RGS21: variants seen among roughly 807,000 people sequenced by gnomAD.
RGS21 encodes regulator of G protein signaling 21.
RGS21 carries 19 observed loss-of-function variants against 18.7 expected under a neutral mutation model. The observed-to-expected ratio is 1.01, with a 90% CI of 0.71 to 1.49. The LOEUF is 1.49. Among genes scored for constraint, RGS21 ranks in the 40% most tolerant of loss-of-function variants. RGS21 has a pLI of 0.00. For missense variants in RGS21, 194 were observed against 176.8 expected (o/e 1.10, Z -0.55); for synonymous variants, 56 against 57.8 (o/e 0.97, Z 0.14).
In RGS21 at chr1:192,343,044, T is replaced by C; in HGVS notation, c.8T>C (p.Val3Ala). The change falls in exon 2 of 5, where the codon GTG becomes GCG. Residue 3 changes from valine (V) to alanine (A), a missense_variant. Coordinates refer to ENST00000417209, the MANE Select transcript of RGS21 (RefSeq NM_001039152.3). Reference protein sequence around the residue: MPVKCCFYRSPTA... With the variant: MPAKCCFYRSPTA... Reference sequence around the variant, plus strand: ...CAGACAGTGGAACGAAAAATGCCAGTGAAGTGAGTTGCCGTTTCCAGCTAT... The same window carrying C: ...CAGACAGTGGAACGAAAAATGCCAGCGAAGTGAGTTGCCGTTTCCAGCTAT... 1.2e-6 allele frequency: 2 copies of C among 1,612,702 alleles called. No individual in the cohort carries two copies. The highest frequency in any genetic ancestry group is 1.7e-5 in the Admixed American group (1 of 59,956).
At chr1:192,348,537 GTA>G (rs1212768078) in intron 3 of RGS21, among the ~76,000 whole-genome samples, 6 of 152,126 alleles carry the variant, frequency 3.9e-5, no homozygotes, top group Non-Finnish European at 8.8e-5. Flanking sequence ...GTATTAATAT[GTA>G]TATGTGTGAA....
intron 1 of RGS21, among the ~76,000 whole-genome samples, chr1:192,342,496 A>G (rs1036263734): frequency 2.6e-5 from 4 of 152,004 alleles, no homozygotes; most frequent in African/African-American, 9.7e-5. Flanking sequence ...ATTTTAGTTC[A>G]TGAATAAAAT....
chr1:192,342,951 T>C (rs1557978011), intron 1 of RGS21, 26 bp from the exon 2 acceptor site: 6 of 1,344,598 alleles, frequency 4.5e-6, no homozygotes, highest in Non-Finnish European at 6.4e-6. Context: ...CTAATTGTAA[T>C]GTTCCTGCTG....
At chr1:192,361,333 T>C (rs1659184975) in intron 4 of RGS21, among the ~76,000 whole-genome samples, 1 of 152,096 alleles carries the variant, frequency 6.6e-6, no homozygotes, top group Non-Finnish European at 1.5e-5. Flanking sequence ...GGAGAATATA[T>C]ATATGCTCTG....
intron 1 of RGS21, among the ~76,000 whole-genome samples, chr1:192,331,504 G>A (rs1232753342): frequency 2.0e-5 from 3 of 151,736 alleles, no homozygotes; most frequent in Non-Finnish European, 4.4e-5. Context: ...CCCAGATCGT[G>A]CCACTGCACT....
Position 192,343,013 on chromosome 1 carries a change from C to A in RGS21, c.-24C>A. On this transcript the variant is annotated 5_prime_UTR_variant, in exon 2 of 5. The change creates a new upstream start codon in the 5' untranslated region. Transcript: ENST00000417209. Reference sequence around the variant, plus strand: ...GTCAGAAAGAGAAACTCGGCATCATCTGTGACAGACAGTGGAACGAAAAAT... The same window carrying A: ...GTCAGAAAGAGAAACTCGGCATCATATGTGACAGACAGTGGAACGAAAAAT... 1 of 1,612,042 alleles carries A rather than the reference C, an allele frequency of 6.2e-7. No individual in the cohort carries two copies. The highest frequency in any genetic ancestry group is 8.5e-7 in the Non-Finnish European group (1 of 1,178,350).
rs530920189 is a variant in RGS21 at position 192,325,879 on chromosome 1, G to C, written c.-61+8774G>C. On this transcript the variant is annotated intron_variant, in intron 1 of 4. Coordinates refer to ENST00000417209, the MANE Select transcript of RGS21 (RefSeq NM_001039152.3). ...CAGATGCAGTTTGTGAGTTTTTCTAGTTTTAAATCATCTTGTGATACTAAT... is the reference window on the plus strand; with the variant it reads ...CAGATGCAGTTTGTGAGTTTTTCTACTTTTAAATCATCTTGTGATACTAAT... Among the ~76,000 whole-genome samples the C allele has an allele frequency of 2.6e-5, 4 of 152,028 alleles. No individual in the cohort carries two copies. In the South Asian group the frequency reaches 8.3e-4, roughly 32 times the overall value.
chr1:192,336,190 C>T lies in RGS21; in HGVS notation c.-60-6787C>T, dbSNP rs181514613. On this transcript the variant is annotated intron_variant, in intron 1 of 4. Transcript: ENST00000417209. ...AAGGCTCAGGCCGGGCACAGTGGCT[C>T]ACGCCTGCAATCCCAGCTCTTTGAG... Among the ~76,000 whole-genome samples the T allele has an allele frequency of 6.5e-3, 996 of 152,308 alleles. 5 individuals carry two copies. The highest frequency in any genetic ancestry group is 0.011 in the Non-Finnish European group (743 of 68,018).
chr1:192,331,591 T>C (rs1658652158), intron 1 of RGS21, among the ~76,000 whole-genome samples: 1 of 143,428 alleles, frequency 7.0e-6, no homozygotes, highest in African/African-American at 2.6e-5. Context: ...ATAAAGACTG[T>C]GTATAATTTA....
At chr1:192,340,127 G>T (rs1658836853) in intron 1 of RGS21, among the ~76,000 whole-genome samples, 1 of 151,844 alleles carries the variant, frequency 6.6e-6, no homozygotes, top group Admixed American at 6.6e-5. Flanking sequence ...CAGCACCTAT[G>T]ATTTCTTGTA....
intron 4 of RGS21, among the ~76,000 whole-genome samples, chr1:192,354,472 T>C (rs1171393877): frequency 2.0e-5 from 3 of 151,726 alleles, no homozygotes; most frequent in African/African-American, 7.2e-5. Context: ...ATATTGCTAA[T>C]GTGAGTAGAG....
intron 1 of RGS21, among the ~76,000 whole-genome samples, chr1:192,340,944 C>A (rs1658850305): frequency 6.6e-6 from 1 of 152,110 alleles, no homozygotes; most frequent in Admixed American, 6.6e-5. Context: ...ATGGGAGCTA[C>A]AATTCAAGAT....
At chr1:192,362,432 G>A (rs1936670) in intron 4 of RGS21, among the ~76,000 whole-genome samples, 3,313 of 152,240 alleles carry the variant, frequency 0.022, 71 homozygotes, top group South Asian at 0.056. Context: ...GAATTTACAC[G>A]CATATGTGCA....
intron 3 of RGS21, among the ~76,000 whole-genome samples, chr1:192,348,095 T>C (rs982312976): frequency 1.3e-5 from 2 of 150,390 alleles, no homozygotes; most frequent in Non-Finnish European, 3.0e-5. Flanking sequence ...GTGTGATCTC[T>C]GCTCACTGCA....
intron 1 of RGS21, among the ~76,000 whole-genome samples, chr1:192,320,451 A>G (rs192226522): frequency 1.0e-3 from 159 of 151,618 alleles, no homozygotes; most frequent in Non-Finnish European, 1.7e-3. Context: ...TACAGTAGAA[A>G]CTCAATAAAT....
chr1:192,342,542 T>G (rs1012291768), intron 1 of RGS21, among the ~76,000 whole-genome samples: 2 of 151,956 alleles, frequency 1.3e-5, no homozygotes, highest in Non-Finnish European at 1.5e-5. Context: ...TTGTTTAAGA[T>G]AAGTATACTA....
At chr1:192,332,299 T>C (rs1035607626) in intron 1 of RGS21, among the ~76,000 whole-genome samples, 18 of 152,002 alleles carry the variant, frequency 1.2e-4, no homozygotes, top group African/African-American at 4.1e-4. Flanking sequence ...GGATCAGTAA[T>C]CAGTAAGATT....
chr1:192,351,263 A>G (rs1659036657), intron 3 of RGS21, among the ~76,000 whole-genome samples: 1 of 152,160 alleles, frequency 6.6e-6, no homozygotes, highest in Non-Finnish European at 1.5e-5. Flanking sequence ...TTATCGCCAC[A>G]TAAAGGGGAG....
Position 192,366,241 on chromosome 1 carries a change from C to T in RGS21, c.*117C>T. 2 of 670,580 alleles carry T rather than the reference C, an allele frequency of 3.0e-6. No homozygotes were observed. Among genetic ancestry groups the T allele is most frequent in the South Asian group, 1.7e-5 (1 of 58,024 alleles). The allele number at this position is 670,580 out of a possible 1,614,324, so 41.5% of individuals were successfully genotyped here. ...ATTTAGAAAACATTTTTTACCCAAA[C>T]AGATGAATAACGTTTTATACAACAA... On this transcript the variant is annotated 3_prime_UTR_variant, in exon 5 of 5. Coordinates refer to ENST00000417209, the MANE Select transcript of RGS21 (RefSeq NM_001039152.3).
Sources: gnomAD v4.1 joint callset for allele counts (sites outside exome capture counted in the v4.1 genomes callset) on GRCh38, gnomAD v4.1.1 for gene constraint, MANE v1.5 for transcripts, NCBI Gene and HGNC (gene_info 2026-07-23, HGNC 2026-07-21) for gene names.